PPP2R1B: variants seen among roughly 807,000 people sequenced by gnomAD.
The protein encoded by PPP2R1B is protein phosphatase 2 scaffold subunit Abeta.
In PPP2R1B, 58 loss-of-function variants were observed where a neutral mutation model predicts 72.7. The ratio of observed to expected loss-of-function variants is 0.80; its 90% CI spans 0.65 to 0.99. The LOEUF (loss-of-function observed/expected upper bound fraction) is 0.99. PPP2R1B is among the 50% of genes least tolerant of loss of function. The probability of loss-of-function intolerance (pLI) is 0.00; values close to 1 mark genes in which losing one functional copy is unlikely to be tolerated. For missense variants in PPP2R1B, 695 were observed against 733.6 expected (o/e 0.95, Z 0.61); for synonymous variants, 256 against 264.6 (o/e 0.97, Z 0.32).
At chr11:111,760,710 A>G (rs2136107170) in intron 4 of PPP2R1B, 109 bp downstream of exon 4, 2 of 941,648 alleles carry the variant, frequency 2.1e-6, no homozygotes, top group Non-Finnish European at 1.6e-6. Flanking sequence ...ACTCATTGGT[A>G]ACAAGGTACT....
At chr11:111,721,798 T>C in the PPP2R1B span, 32 of 1,555,894 alleles carry the variant, frequency 2.1e-5, no homozygotes, top group Admixed American at 9.5e-5. Context: ...CCATGGGGAA[T>C]TGAAAATTGT....
Position 111,738,972 on chromosome 11 carries a change from G to T in PPP2R1B, c.*2624C>A. The T allele has an allele frequency of 1.0e-6, 1 of 984,452 alleles. No individual in the cohort carries two copies. Among genetic ancestry groups the T allele is most frequent in the Non-Finnish European group, 1.2e-6 (1 of 829,960 alleles). 61.0% of individuals were successfully genotyped at this position (984,452 alleles called of 1,614,324 possible). A position where few individuals can be genotyped will look rare whatever the true frequency, so the allele number is the denominator to read the frequency against. On this transcript the variant is annotated 3_prime_UTR_variant, in exon 15 of 15. Transcript: ENST00000527614. ...ACAAACAACTGATGTAAGCTGCCAA[G>T]GATGAAAAACAACATTACATGTCTG... is the stretch of plus-strand genomic sequence containing the variant.
At chr11:111,748,789 A>T (rs991297658) in intron 10 of PPP2R1B, among the ~76,000 whole-genome samples, 1 of 152,162 alleles carries the variant, frequency 6.6e-6, no homozygotes, top group Non-Finnish European at 1.5e-5. Context: ...TCTATATTTT[A>T]AAAAAAGAGA....
At chr11:111,725,071 A>G (rs1339796849), downstream of PPP2R1B, 1 of 152,648 alleles carries the variant, frequency 6.6e-6, no homozygotes, top group African/African-American at 2.4e-5. Context: ...CTAGTAGTTT[A>G]TTGAGCTTTG....
the PPP2R1B span, among the ~76,000 whole-genome samples, chr11:111,706,618 T>C: frequency 6.6e-6 from 1 of 152,226 alleles, no homozygotes; most frequent in African/African-American, 2.4e-5. Context: ...TAAATCTTCT[T>C]GATTTTAGTA....
chr11:111,721,877 C>G, the PPP2R1B span: 1 of 1,612,908 alleles, frequency 6.2e-7, no homozygotes, highest in South Asian at 1.1e-5. Flanking sequence ...TCCCTGCCAG[C>G]GTGCATCCCC....
At chr11:111,700,574 A>C in the PPP2R1B span, among the ~76,000 whole-genome samples, 40 of 152,334 alleles carry the variant, frequency 2.6e-4, no homozygotes, top group Middle Eastern at 6.8e-3. Flanking sequence ...AGATTATCAA[A>C]TACTAGTTGG....
At chr11:111,699,201 C>T in the PPP2R1B span, among the ~76,000 whole-genome samples, 2 of 152,154 alleles carry the variant, frequency 1.3e-5, no homozygotes, top group African/African-American at 4.8e-5. Flanking sequence ...TTGCCTCACA[C>T]TCCTGGATAC....
In PPP2R1B at chr11:111,753,496, C is replaced by T. The variant is rs938667193; in HGVS notation, c.1111G>A (p.Glu371Lys). ...IMGLSTILGKENTIEHLLPLF... is the reference protein window; with the variant it reads ...IMGLSTILGKKNTIEHLLPLF... ...GGTAGAAGATGTTCAATGGTATTTTCTTTGCCCAAAATAGTAGACAATCCC... is the reference window on the plus strand; with the variant it reads ...GGTAGAAGATGTTCAATGGTATTTTTTTTGCCCAAAATAGTAGACAATCCC... Residue 371 changes from glutamate (E) to lysine (K), a missense_variant, in exon 9 of 15, where the codon GAA (glutamate) becomes AAA (lysine). Coordinates refer to ENST00000527614, the MANE Select transcript of PPP2R1B (RefSeq NM_002716.5). The T allele has an allele frequency of 2.5e-6, 4 of 1,613,840 alleles. No individual in the cohort carries two copies. The highest frequency in any genetic ancestry group is 1.3e-5 in the African/African-American group (1 of 75,040).
chr11:111,732,987 A>T (rs1216113025), downstream of PPP2R1B, among the ~76,000 whole-genome samples: 3 of 152,214 alleles, frequency 2.0e-5, no homozygotes, highest in Non-Finnish European at 4.4e-5. Context: ...CATCCTGGAC[A>T]ACGTCCCTTA....
At chr11:111,745,360 T>A (rs574826807) in intron 11 of PPP2R1B, among the ~76,000 whole-genome samples, 1 of 152,074 alleles carries the variant, frequency 6.6e-6, no homozygotes, top group African/African-American at 2.4e-5. Context: ...CAAATTACTA[T>A]TTTTTTTAAC....
At chr11:111,763,057 A>G (rs1372191705) in intron 3 of PPP2R1B, among the ~76,000 whole-genome samples, 4 of 152,192 alleles carry the variant, frequency 2.6e-5, no homozygotes, top group African/African-American at 9.6e-5. Flanking sequence ...AGAAAAAAGG[A>G]GTAGGATGAT....
intron 10 of PPP2R1B, among the ~76,000 whole-genome samples, chr11:111,751,318 T>G (rs530643325): frequency 1.3e-5 from 2 of 152,290 alleles, no homozygotes; most frequent in East Asian, 3.9e-4. Context: ...TAAACATTTC[T>G]TAAGTCACAA....
Position 111,741,616 on chromosome 11 carries a change from G to A in PPP2R1B, c.1790-4C>T, listed in dbSNP as rs767121634. 1 of 1,613,064 alleles carries A rather than the reference G, an allele frequency of 6.2e-7. No homozygotes were observed. Among genetic ancestry groups the A allele is most frequent in the Non-Finnish European group, 8.5e-7 (1 of 1,179,772 alleles). The stretch of plus-strand genomic sequence containing the variant: ...CCTCATTATGCCAATGCAAGAACTG[G>A]AAAATTCCAAACAAAATCAGGTTAG... On this transcript the variant is annotated splice_region_variant and splice_polypyrimidine_tract_variant and intron_variant, in intron 14 of 14. Coordinates refer to ENST00000527614, the MANE Select transcript of PPP2R1B (RefSeq NM_002716.5).
the PPP2R1B span, among the ~76,000 whole-genome samples, chr11:111,690,523 A>G: frequency 6.6e-6 from 1 of 151,896 alleles, no homozygotes; most frequent in Admixed American, 6.6e-5. Context: ...TACATGTGCC[A>G]TGGTGGTTTG....
At chr11:111,735,448 C>T (rs1944311132), downstream of PPP2R1B, 1 of 152,240 alleles carries the variant, frequency 6.6e-6, no homozygotes, top group South Asian at 2.1e-4. Context: ...CAAGGCCCGT[C>T]AGCAGCTTCA....
At chr11:111,729,055 AG>A (rs1407488989) in intron 15 of PPP2R1B, 1 of 152,264 alleles carries the variant, frequency 6.6e-6, no homozygotes, top group Non-Finnish European at 1.5e-5. Flanking sequence ...CTGTAATGTC[AG>A]AGCCCTTGTC....
intron 5 of PPP2R1B, among the ~76,000 whole-genome samples, chr11:111,758,780 G>A (rs188032847): frequency 3.3e-5 from 5 of 152,162 alleles, no homozygotes; most frequent in African/African-American, 1.2e-4. Context: ...TATCATAGGT[G>A]ATCGTTAACA....
the PPP2R1B span, among the ~76,000 whole-genome samples, chr11:111,709,885 G>A: frequency 2.2e-3 from 329 of 152,322 alleles, 2 homozygotes; most frequent in African/African-American, 7.4e-3. Flanking sequence ...TATGTGCTAC[G>A]CTTGGTCTGG....
Sources: allele counts gnomAD v4.1 joint callset (sites outside exome capture counted in the v4.1 genomes callset), GRCh38; gene constraint gnomAD v4.1.1; transcripts MANE v1.5; gene names NCBI Gene and HGNC (gene_info 2026-07-23, HGNC 2026-07-21).